Variants in SLMAP observed in about 807,000 individuals in gnomAD.
SLMAP encodes sarcolemma associated protein, also known as sarcolemmal membrane-associated protein.
Under a neutral mutation model 128.8 loss-of-function variants are expected in SLMAP, and 44 were observed. The observed-to-expected ratio is 0.34, with a 90% CI of 0.27 to 0.44. The LOEUF (loss-of-function observed/expected upper bound fraction) is 0.44. Ranked by LOEUF, SLMAP falls within the 20% of genes least tolerant of loss-of-function variation. The pLI, the probability that SLMAP is intolerant of heterozygous loss-of-function variation, is 1.00. For missense variants in SLMAP, 787 were observed against 985.3 expected, an observed-to-expected ratio of 0.80 and a Z score of 2.69; for synonymous variants, 327 against 348.8, an observed-to-expected ratio of 0.94 and a Z score of 0.70.
intron 17 of SLMAP, chr3:57,900,853 G>C (rs1288430002): frequency 6.6e-6 from 1 of 152,108 alleles, no homozygotes; most frequent in East Asian, 1.9e-4. Context: ...GAATTTCAAG[G>C]CAAATTAGTG....
chr3:57,873,971 A>G (rs2095544369), intron 14 of SLMAP, among the ~76,000 whole-genome samples: 1 of 152,048 alleles, frequency 6.6e-6, no homozygotes, highest in South Asian at 2.1e-4. Context: ...AAATACACAA[A>G]ATTAGCTGGG....
chr3:57,864,525 A>T, intron 10 of SLMAP, 23 bp from the exon 11 acceptor site: 2 of 1,532,406 alleles, frequency 1.3e-6, no homozygotes, highest in Non-Finnish European at 1.8e-6. Context: ...TTGTTAAATA[A>T]CTGAATTTTC....
chr3:57,808,450 G>A (rs1333204424), intron 2 of SLMAP, among the ~76,000 whole-genome samples: 2 of 152,098 alleles, frequency 1.3e-5, no homozygotes, highest in African/African-American at 2.4e-5. Context: ...AGATTCTGGT[G>A]TGTTGTCTCT....
chr3:57,904,556 A>G (rs150248188), intron 17 of SLMAP, among the ~76,000 whole-genome samples: 3 of 152,360 alleles, frequency 2.0e-5, no homozygotes, highest in African/African-American at 7.2e-5. Context: ...TAACATGGGT[A>G]CATTACTATT....
chr3:57,824,036 C>T (rs2092739881), intron 2 of SLMAP, among the ~76,000 whole-genome samples: 1 of 152,002 alleles, frequency 6.6e-6, no homozygotes, highest in Non-Finnish European at 1.5e-5. Flanking sequence ...TAAATATACC[C>T]ACAGAGGTGA....
At chr3:57,799,815 CTTGT>C (rs780262981) in intron 2 of SLMAP, among the ~76,000 whole-genome samples, 45 of 152,042 alleles carry the variant, frequency 3.0e-4, no homozygotes, top group Non-Finnish European at 5.3e-4. Flanking sequence ...TTTTGGTTTG[CTTGT>C]TTGTTTTAAC....
intron 6 of SLMAP, among the ~76,000 whole-genome samples, chr3:57,853,449 C>G (rs2153583951): frequency 6.6e-6 from 1 of 152,216 alleles, no homozygotes; most frequent in South Asian, 2.1e-4. Context: ...GTTGAGGTGT[C>G]TCAGAGGCGT....
chr3:57,821,517 T>C (rs779408841), intron 2 of SLMAP, among the ~76,000 whole-genome samples: 20 of 152,214 alleles, frequency 1.3e-4, no homozygotes, highest in Admixed American at 4.6e-4. Context: ...AAATGTGTGA[T>C]GCTTTGTTAG....
At chr3:57,854,727 A>G (rs2094686758) in intron 6 of SLMAP, among the ~76,000 whole-genome samples, 1 of 152,220 alleles carries the variant, frequency 6.6e-6, no homozygotes, top group Non-Finnish European at 1.5e-5. Context: ...TGATGACCAG[A>G]TTATCTTGGC....
At chr3:57,890,442 G>A (rs913494777) in intron 15 of SLMAP, 5 of 193,770 alleles carry the variant, frequency 2.6e-5, no homozygotes, top group Non-Finnish European at 3.1e-5. Context: ...CACAATGTAA[G>A]TCGTTTGTGA....
intron 22 of SLMAP, among the ~76,000 whole-genome samples, chr3:57,922,353 T>C (rs2096933455): frequency 6.6e-6 from 1 of 152,086 alleles, no homozygotes; most frequent in Admixed American, 6.5e-5. Flanking sequence ...AAAATGGTGA[T>C]TACTCTTAAT....
intron 3 of SLMAP, among the ~76,000 whole-genome samples, chr3:57,833,605 A>T (rs1455251346): frequency 6.6e-6 from 1 of 151,886 alleles, no homozygotes; most frequent in Non-Finnish European, 1.5e-5. Flanking sequence ...TTTCTAGTAG[A>T]GACGGGGTTT....
Position 57,927,778 on chromosome 3 carries a change from C to G in SLMAP, c.*489C>G, listed in dbSNP as rs948700069. Reference sequence around the variant, plus strand: ...TTTCTGATTTGATAACTACCCAAACCAAACAACCAATACATACATGGGAAG... The same window carrying G: ...TTTCTGATTTGATAACTACCCAAACGAAACAACCAATACATACATGGGAAG... On this transcript the variant is annotated 3_prime_UTR_variant, in exon 25 of 25. Coordinates refer to ENST00000671191, the MANE Select transcript of SLMAP (RefSeq NM_001377540.1). The G allele has an allele frequency of 1.3e-5, 2 of 153,596 alleles. No homozygotes were observed. Among genetic ancestry groups the G allele is most frequent in the African/African-American group, 4.8e-5 (2 of 41,420 alleles). The allele number at this position is 153,596 out of a possible 1,614,324, so 9.5% of individuals were successfully genotyped here.
intron 22 of SLMAP, among the ~76,000 whole-genome samples, chr3:57,919,795 C>CAA (rs773758598): frequency 2.9e-4 from 34 of 119,218 alleles, no homozygotes; most frequent in African/African-American, 9.7e-4. Context: ...AACTCCATCT[C>CAA]AAAAAAAAAA....
chr3:57,863,863 T>C (rs1226845067), intron 10 of SLMAP, among the ~76,000 whole-genome samples: 1 of 152,218 alleles, frequency 6.6e-6, no homozygotes, highest in Admixed American at 6.5e-5. Flanking sequence ...CGTTACTAAA[T>C]AATTTTGTTT....
chr3:57,836,202 G>A (rs909172600), intron 3 of SLMAP, among the ~76,000 whole-genome samples: 1 of 151,808 alleles, frequency 6.6e-6, no homozygotes, highest in Non-Finnish European at 1.5e-5. Flanking sequence ...AATGTGAGTC[G>A]TCCAGGAGTG....
Position 57,780,494 on chromosome 3 carries a change from G to C in SLMAP, c.198+22645G>C, listed in dbSNP as rs561843550. On this transcript the variant is annotated intron_variant, in intron 2 of 24. Coordinates refer to ENST00000671191, the MANE Select transcript of SLMAP (RefSeq NM_001377540.1). Reference sequence around the variant, plus strand: ...ATATTTCCTAGATAATACTAATAAAGCATGAAATATTAAAAACTTGGATAG... The same window carrying C: ...ATATTTCCTAGATAATACTAATAAACCATGAAATATTAAAAACTTGGATAG... Among the ~76,000 whole-genome samples, 11 of 152,090 alleles carry C rather than the reference G, an allele frequency of 7.2e-5. No individual in the cohort carries two copies. The East Asian group carries it at 7.7e-4, about 11-fold the overall frequency.
rs189557661 is a variant in SLMAP, at chr3:57,914,201, T to C, written c.2138+926T>C. On this transcript the variant is annotated intron_variant, in intron 21 of 24. Coordinates refer to ENST00000671191, the MANE Select transcript of SLMAP (RefSeq NM_001377540.1). ...TTGCCATATTTAAGTTTAAAATGGG[T>C]TTATTCCGGCCGGGTGTGGACATTA... Among the ~76,000 whole-genome samples, 429 of 152,126 alleles carry C rather than the reference T, an allele frequency of 2.8e-3. 2 individuals carry two copies. Among genetic ancestry groups the C allele is most frequent in the Admixed American group, 5.1e-3 (78 of 15,268 alleles).
At position 57,853,037 on chromosome 3, in the gene SLMAP, A is replaced by T. The variant is rs535978175; in HGVS notation, c.519+3221A>T. ...CTGGACATATTAGATTTCTGTTAGG[A>T]TATAGTTCATGGAGTTAAACTCTAA... is the stretch of plus-strand genomic sequence containing the variant. On this transcript the variant is annotated intron_variant, in intron 6 of 24. Transcript: ENST00000671191. 3.9e-5 allele frequency among the ~76,000 whole-genome samples: 6 copies of T among 152,372 alleles called. No individual in the cohort carries two copies. In the South Asian group the frequency reaches 1.2e-3, roughly 32 times the overall value.
Sources: allele counts gnomAD v4.1 joint callset (sites outside exome capture counted in the v4.1 genomes callset), GRCh38; gene constraint gnomAD v4.1.1; transcripts MANE v1.5; gene names NCBI Gene and HGNC (gene_info 2026-07-23, HGNC 2026-07-21).